WDFY3: variants seen among roughly 807,000 people sequenced by gnomAD.
WDFY3 encodes WD repeat and FYVE domain-containing protein 3.
WDFY3 carries 66 observed loss-of-function variants against 409.6 expected under a neutral mutation model. The ratio of observed to expected loss-of-function variants is 0.16; its 90% CI spans 0.13 to 0.20. WDFY3 has a LOEUF of 0.20. Ranked by LOEUF, WDFY3 falls within the 10% of genes least tolerant of loss-of-function variation. The probability of loss-of-function intolerance (pLI) is 1.00; values close to 1 mark genes in which losing one functional copy is unlikely to be tolerated. For missense variants in WDFY3, 3,031 were observed against 4,298.1 expected, an observed-to-expected ratio of 0.71 and a Z score of 8.24; for synonymous variants, 1,521 against 1,537.1, an observed-to-expected ratio of 0.99 and a Z score of 0.25.
At chr4:84,811,837 G>A (rs1430214476) in intron 13 of WDFY3, among the ~76,000 whole-genome samples, 3 of 152,074 alleles carry the variant, frequency 2.0e-5, no homozygotes, top group African/African-American at 4.8e-5. Context: ...TCGGATTTTG[G>A]AATATTTGCA....
chr4:84,875,977 TA>T (rs1049681055), intron 3 of WDFY3, among the ~76,000 whole-genome samples: 1 of 152,340 alleles, frequency 6.6e-6, no homozygotes, highest in African/African-American at 2.4e-5. Context: ...AAATAAAGAT[TA>T]AAAGTATAGT....
intron 2 of WDFY3, among the ~76,000 whole-genome samples, chr4:84,931,403 G>C (rs1328883958): frequency 1.3e-5 from 2 of 152,154 alleles, no homozygotes; most frequent in African/African-American, 4.8e-5. Context: ...CTTTCTTTGG[G>C]ATCTGGATTA....
At chr4:84,721,741 C>T (rs1295196052) in intron 46 of WDFY3, among the ~76,000 whole-genome samples, 169 bp from the exon 47 acceptor site, 1 of 152,058 alleles carries the variant, frequency 6.6e-6, no homozygotes, top group African/African-American at 2.4e-5. Flanking sequence ...AGTTAATGAC[C>T]TTGGAAAATT....
intron 2 of WDFY3, among the ~76,000 whole-genome samples, chr4:84,919,503 T>C (rs562139207): frequency 6.6e-6 from 1 of 152,216 alleles, no homozygotes; most frequent in Non-Finnish European, 1.5e-5. Flanking sequence ...TTTGGCTGTG[T>C]CCCTACCCAA....
chr4:84,778,379 T>C, intron 27 of WDFY3, 124 bp downstream of exon 27: 4 of 876,612 alleles, frequency 4.6e-6, no homozygotes, highest in Admixed American at 3.6e-5. Flanking sequence ...CTAAATGATA[T>C]TAACATGAAC....
intron 3 of WDFY3, among the ~76,000 whole-genome samples, chr4:84,890,360 A>G (rs1179217934): frequency 2.0e-5 from 3 of 152,226 alleles, no homozygotes; most frequent in Admixed American, 1.3e-4. Flanking sequence ...TTGGCCTCCC[A>G]AAGTGCTGGG....
intron 62 of WDFY3, among the ~76,000 whole-genome samples, chr4:84,685,369 C>T (rs1329165473): frequency 6.6e-6 from 1 of 152,180 alleles, no homozygotes; most frequent in Non-Finnish European, 1.5e-5. Flanking sequence ...GCTCCTCCCA[C>T]CCCCTAGCTC....
intron 25 of WDFY3, among the ~76,000 whole-genome samples, chr4:84,781,038 C>A (rs1746421372): frequency 6.6e-6 from 1 of 152,054 alleles, no homozygotes; most frequent in Admixed American, 6.6e-5. Flanking sequence ...ACTCTGTGAA[C>A]TGGAGAAAGG....
chr4:84,691,898 G>C (rs1394872591), intron 59 of WDFY3, 113 bp from the exon 60 acceptor site: 2 of 1,048,504 alleles, frequency 1.9e-6, no homozygotes, highest in East Asian at 5.2e-5. Flanking sequence ...TGATACCTAC[G>C]TTGAGAAAAA....
At chr4:84,904,200 C>G (rs1407446985) in intron 2 of WDFY3, among the ~76,000 whole-genome samples, 3 of 152,172 alleles carry the variant, frequency 2.0e-5, no homozygotes, top group African/African-American at 7.2e-5. Flanking sequence ...TGAACTAGAA[C>G]TGTGAGAAAT....
chr4:84,729,989 T>C (rs747889454), intron 44 of WDFY3, among the ~76,000 whole-genome samples: 3 of 152,118 alleles, frequency 2.0e-5, no homozygotes, highest in Non-Finnish European at 4.4e-5. Context: ...AATAAATTCA[T>C]GGAAGTTTAA....
intron 2 of WDFY3, among the ~76,000 whole-genome samples, chr4:84,921,639 T>C (rs1404931476): frequency 6.7e-5 from 10 of 149,616 alleles, no homozygotes; most frequent in African/African-American, 2.5e-4. Context: ...AAGTCTCTAT[T>C]GCTTTCATTT....
At position 84,863,629 on chromosome 4, in the gene WDFY3, A is replaced by G. The variant is rs1045869528; in HGVS notation, c.-31-3007T>C. Among the ~76,000 whole-genome samples the G allele has an allele frequency of 4.6e-5, 7 of 152,254 alleles. No individual in the cohort carries two copies. In the South Asian group the frequency reaches 1.4e-3, roughly 32 times the overall value. On this transcript the variant is annotated intron_variant, in intron 3 of 67. Transcript: ENST00000295888. Reference sequence around the variant, plus strand: ...TGTACTTAAATTATTACCTACACCAATATCATGAGGCTCTCCCTGTTTTTA... The same window carrying G: ...TGTACTTAAATTATTACCTACACCAGTATCATGAGGCTCTCCCTGTTTTTA...
At chr4:84,863,269 T>C (rs182796879) in intron 3 of WDFY3, among the ~76,000 whole-genome samples, 16 of 152,298 alleles carry the variant, frequency 1.1e-4, no homozygotes, top group African/African-American at 3.6e-4. Flanking sequence ...ATAAAGATAA[T>C]TCTATTTTTA....
At chr4:84,847,790 CAAAAAAAAAAACA>C (rs1758321209) in intron 5 of WDFY3, among the ~76,000 whole-genome samples, 1 of 82,884 alleles carries the variant, frequency 1.2e-5, no homozygotes, top group Admixed American at 1.3e-4. Flanking sequence ...AAAAAAAAAC[CAAAAAAAAAAACA>C]AAAAAAAACA....
chr4:84,804,955 C>A (rs572392618), intron 15 of WDFY3, among the ~76,000 whole-genome samples: 35 of 152,130 alleles, frequency 2.3e-4, no homozygotes, highest in Admixed American at 1.9e-3. Flanking sequence ...GGTTGAGTAC[C>A]CCTAATCCAA....
rs1250827147 is a variant in WDFY3 at position 84,796,596 on chromosome 4, G to A, written c.3092C>T (p.Pro1031Leu). ...RVKCLVSMTT[P>L]HDIRLHGSSV... ...TGACCCATGAAGTCTGATGTCATGT[G>A]GGGTTGTCATGGAGACCAGACACTT... The change falls in exon 19 of 68, where the codon CCA (proline) becomes CTA (leucine). Residue 1031 changes from proline to leucine, a missense_variant. Physicochemically the swap from Pro to Leu is moderately conservative, Grantham distance 98. Coordinates refer to ENST00000295888, the MANE Select transcript of WDFY3 (RefSeq NM_014991.6). 3 of 1,613,984 alleles carry A rather than the reference G, an allele frequency of 1.9e-6. No homozygotes were observed. Among genetic ancestry groups the A allele is most frequent in the East Asian group, 2.2e-5 (1 of 44,872 alleles).
At chr4:84,715,738 G>GC (rs1560585243) in intron 49 of WDFY3, among the ~76,000 whole-genome samples, 2 of 139,480 alleles carry the variant, frequency 1.4e-5, no homozygotes, top group East Asian at 4.2e-4. Context: ...TCGCGCCACT[G>GC]CACTCCAGCC....
chr4:84,875,699 T>C (rs1762691824), intron 3 of WDFY3, among the ~76,000 whole-genome samples: 1 of 152,254 alleles, frequency 6.6e-6, no homozygotes, highest in Admixed American at 6.5e-5. Context: ...AGCATTTTTA[T>C]ATTTTAATTT....
Sources: gnomAD v4.1 joint callset for allele counts (sites outside exome capture counted in the v4.1 genomes callset) on GRCh38, gnomAD v4.1.1 for gene constraint, MANE v1.5 for transcripts, NCBI Gene and HGNC (gene_info 2026-07-23, HGNC 2026-07-21) for gene names.